EFCAB5: variants seen among roughly 807,000 people sequenced by gnomAD.
The protein encoded by EFCAB5 is EF-hand calcium-binding domain-containing protein 5.
Under a neutral mutation model 167.9 loss-of-function variants are expected in EFCAB5, and 131 were observed. The observed-to-expected ratio is 0.78, with a 90% CI of 0.68 to 0.90. The LOEUF (loss-of-function observed/expected upper bound fraction) is 0.90. Ranked by LOEUF, EFCAB5 falls within the 40% of genes least tolerant of loss-of-function variation. The pLI, the probability that EFCAB5 is intolerant of heterozygous loss-of-function variation, is 0.00. For missense variants in EFCAB5, 1,663 were observed against 1,745.2 expected (o/e 0.95, Z 0.84); for synonymous variants, 574 against 602.8 (o/e 0.95, Z 0.70).
Position 30,091,990 on chromosome 17 carries a change from T to C in EFCAB5, c.4057T>C (p.Tyr1353His). Residue 1353 changes from tyrosine (Y) to histidine (H), a missense_variant, in exon 21 of 23, where the codon TAT becomes CAT. Coordinates refer to ENST00000394835, the MANE Select transcript of EFCAB5 (RefSeq NM_198529.4). ...NSMEFVSLLLYDHTLVTEPNS... is the reference protein window; with the variant it reads ...NSMEFVSLLLHDHTLVTEPNS... ...CATGGAATTTGTGTCACTGTTGCTC[T>C]ATGACCATACTCTTGTAACAGAGCC... 2.5e-6 allele frequency: 4 copies of C among 1,614,014 alleles called. No individual in the cohort carries two copies. The highest frequency in any genetic ancestry group is 1.1e-5 in the South Asian group (1 of 91,078).
At chr17:29,974,697 A>G (rs1391311277) in intron 4 of EFCAB5, among the ~76,000 whole-genome samples, 1 of 152,230 alleles carries the variant, frequency 6.6e-6, no homozygotes, top group Non-Finnish European at 1.5e-5. Flanking sequence ...AAATTTCATT[A>G]CATAAAAAAT....
intron 7 of EFCAB5, among the ~76,000 whole-genome samples, chr17:30,001,994 A>G (rs2068672738): frequency 6.6e-6 from 1 of 152,124 alleles, no homozygotes; most frequent in African/African-American, 2.4e-5. Flanking sequence ...TTCAAAGCTC[A>G]TCATAGTCTT....
At chr17:30,020,942 G>GTAATAAATGTTACACTAGAAGA (rs71138867) in intron 7 of EFCAB5, among the ~76,000 whole-genome samples, 5 of 151,784 alleles carry the variant, frequency 3.3e-5, no homozygotes, top group African/African-American at 1.2e-4. Context: ...ACAAATTATT[G>GTAATAAATGTTACACTAGAAGA]TATCAGCATG....
At chr17:30,074,096 G>A (rs1230051770) in intron 14 of EFCAB5, 3 of 152,390 alleles carry the variant, frequency 2.0e-5, no homozygotes, top group African/African-American at 7.3e-5. Context: ...TACTCTTTTT[G>A]TAAGGCTTCT....
intron 6 of EFCAB5, among the ~76,000 whole-genome samples, chr17:29,998,709 C>A (rs888079559): frequency 1.3e-5 from 2 of 152,178 alleles, no homozygotes; most frequent in Non-Finnish European, 2.9e-5. Flanking sequence ...TTAGCACTTA[C>A]CAAATTCAAG....
intron 8 of EFCAB5, 71 bp downstream of exon 8, chr17:30,034,456 T>C: frequency 1.3e-6 from 2 of 1,517,484 alleles, no homozygotes; most frequent in Non-Finnish European, 1.8e-6. Flanking sequence ...CCCAGCACTT[T>C]AGGAGGCTGA....
At chr17:29,973,041 A>C (rs2067990492) in intron 4 of EFCAB5, 1 of 152,362 alleles carries the variant, frequency 6.6e-6, no homozygotes. Context: ...TCCCCTAGAC[A>C]GGGGCCACTG....
At chr17:29,960,290 T>G (rs2151557003) in intron 3 of EFCAB5, among the ~76,000 whole-genome samples, 1 of 152,294 alleles carries the variant, frequency 6.6e-6, no homozygotes, top group Admixed American at 6.5e-5. Context: ...AAACCAGGTA[T>G]TGTGATCAGT....
intron 8 of EFCAB5, among the ~76,000 whole-genome samples, chr17:30,048,598 G>A (rs1597723663): frequency 2.0e-5 from 3 of 151,612 alleles, no homozygotes; most frequent in East Asian, 1.9e-4. Flanking sequence ...GGGTTCGAGC[G>A]ATTCTCCTAC....
At chr17:30,023,039 A>G (rs2069221921) in intron 7 of EFCAB5, among the ~76,000 whole-genome samples, 1 of 151,994 alleles carries the variant, frequency 6.6e-6, no homozygotes, top group Admixed American at 6.6e-5. Flanking sequence ...CAGTGTGTAG[A>G]GGGAAATTTA....
upstream of EFCAB5, among the ~76,000 whole-genome samples, chr17:29,937,434 G>C (rs1000297350): frequency 2.0e-5 from 3 of 151,962 alleles, no homozygotes; most frequent in African/African-American, 7.3e-5. Flanking sequence ...TGATCCACCC[G>C]CCTCAGCCTC....
chr17:29,997,097 T>G (rs1281258568), intron 6 of EFCAB5, among the ~76,000 whole-genome samples: 1 of 151,984 alleles, frequency 6.6e-6, no homozygotes, highest in African/African-American at 2.4e-5. Context: ...ATACAAAAAT[T>G]AGCCGGGCAT....
chr17:30,019,551 T>G (rs1286854158), intron 7 of EFCAB5, among the ~76,000 whole-genome samples: 1 of 151,762 alleles, frequency 6.6e-6, no homozygotes, highest in Non-Finnish European at 1.5e-5. Flanking sequence ...GTTCAAGCAA[T>G]TCTCCAGCCT....
chr17:29,961,009 T>C (rs1476351255), intron 3 of EFCAB5, among the ~76,000 whole-genome samples: 1 of 152,190 alleles, frequency 6.6e-6, no homozygotes, highest in Non-Finnish European at 1.5e-5. Context: ...CGTTTAATGT[T>C]TTGAGAAGCC....
At chr17:30,071,747 G>A (rs2070742336) in intron 14 of EFCAB5, among the ~76,000 whole-genome samples, 2 of 152,148 alleles carry the variant, frequency 1.3e-5, no homozygotes, top group South Asian at 2.1e-4. Flanking sequence ...ATCAGCTTAA[G>A]TGTCTATCAA....
At chr17:29,976,872 C>T (rs2068073079) in intron 4 of EFCAB5, among the ~76,000 whole-genome samples, 1 of 152,106 alleles carries the variant, frequency 6.6e-6, no homozygotes, top group Admixed American at 6.6e-5. Context: ...AGAGAAGACA[C>T]TGCTTACTTA....
At chr17:30,045,516 T>C (rs550243638) in intron 8 of EFCAB5, among the ~76,000 whole-genome samples, 2 of 151,446 alleles carry the variant, frequency 1.3e-5, no homozygotes, top group African/African-American at 2.4e-5. Flanking sequence ...GAAAATGTTC[T>C]ACAGCTTCAC....
chr17:29,970,637 GACACACACAC>G (rs34545008), intron 4 of EFCAB5, among the ~76,000 whole-genome samples: 3 of 138,668 alleles, frequency 2.2e-5, no homozygotes, highest in Non-Finnish European at 3.1e-5. Context: ...CTCAAAAACA[GACACACACAC>G]ACACACACAC....
intron 3 of EFCAB5, among the ~76,000 whole-genome samples, chr17:29,967,888 C>CTT (rs35474839): frequency 1.3e-3 from 175 of 134,854 alleles, no homozygotes; most frequent in African/African-American, 3.9e-3. Flanking sequence ...ATTTCCTCAC[C>CTT]TTTTTTTTTT....
Sources: gnomAD v4.1 joint callset for allele counts (sites outside exome capture counted in the v4.1 genomes callset) on GRCh38, gnomAD v4.1.1 for gene constraint, MANE v1.5 for transcripts, NCBI Gene and HGNC (gene_info 2026-07-23, HGNC 2026-07-21) for gene names.